The following RUNX1 variants were observed in gnomAD, a reference collection of about 807,000 sequenced individuals.
RUNX1 encodes the protein runt-related transcription factor 1.
A neutral mutation model predicts 42.8 loss-of-function variants in RUNX1; 19 were observed. The observed-to-expected ratio is 0.44, with a 90% CI of 0.31 to 0.65. The LOEUF (loss-of-function observed/expected upper bound fraction) is 0.65, where lower values mean the gene tolerates loss of function less well. Ranked by LOEUF, RUNX1 falls within the 30% of genes least tolerant of loss-of-function variation. The pLI, the probability that RUNX1 is intolerant of heterozygous loss-of-function variation, is 0.07. For missense variants in RUNX1, 528 were observed against 672.0 expected, an observed-to-expected ratio of 0.79 and a Z score of 2.37; for synonymous variants, 271 against 289.4, an observed-to-expected ratio of 0.94 and a Z score of 0.64.
chr21:34,998,023 CCCTTGCCTCTG>C (rs1569144190), intron 2 of RUNX1, among the ~76,000 whole-genome samples: 1 of 152,180 alleles, frequency 6.6e-6, no homozygotes, highest in Non-Finnish European at 1.5e-5. Context: ...TCCCCCATCT[CCCTTGCCTCTG>C]CCTTGCCCTG....
At chr21:34,853,597 G>C (rs76286727) in intron 6 of RUNX1, among the ~76,000 whole-genome samples, 1,691 of 152,220 alleles carry the variant, frequency 0.011, 25 homozygotes, top group African/African-American at 0.039. Context: ...CTGTTCTTTT[G>C]AAGATTATAT....
At chr21:35,026,724 T>C (rs1202785639) in intron 2 of RUNX1, among the ~76,000 whole-genome samples, 3 of 152,066 alleles carry the variant, frequency 2.0e-5, no homozygotes, top group African/African-American at 4.8e-5. Flanking sequence ...AGCAAGGGGA[T>C]CCTTTAGAAA....
At chr21:34,967,830 G>A (rs1420162632) in intron 2 of RUNX1, among the ~76,000 whole-genome samples, 3 of 152,180 alleles carry the variant, frequency 2.0e-5, no homozygotes, top group Admixed American at 6.5e-5. Flanking sequence ...AGCTTCCATC[G>A]AAGGGAGTGG....
rs2058710943 is a variant in RUNX1 at position 34,965,293 on chromosome 21, T to TC, written c.59-72331_59-72330insG. Among the ~76,000 whole-genome samples the TC allele has an allele frequency of 3.3e-5, 5 of 151,978 alleles. No individual in the cohort carries two copies. The South Asian group carries it at 1.0e-3, about 32-fold the overall frequency. On this transcript the variant is annotated intron_variant, in intron 2 of 8. Coordinates refer to ENST00000675419, the MANE Select transcript of RUNX1 (RefSeq NM_001754.5). Reference sequence around the variant, plus strand: ...ATCTGAGTGCCCTATAATCCACACTTTATTTCCAAATTTTCAGAAAGCAGT... The same window carrying TC: ...ATCTGAGTGCCCTATAATCCACACTTCTATTTCCAAATTTTCAGAAAGCAGT...
chr21:35,019,635 T>C, intron 2 of RUNX1, among the ~76,000 whole-genome samples: 1 of 152,168 alleles, frequency 6.6e-6, no homozygotes, highest in East Asian at 1.9e-4. Context: ...CTTGAGCCTC[T>C]GCACCTCACA....
At chr21:35,008,560 A>G (rs1912981331) in intron 2 of RUNX1, among the ~76,000 whole-genome samples, 1 of 152,252 alleles carries the variant, frequency 6.6e-6, no homozygotes, top group African/African-American at 2.4e-5. Flanking sequence ...TTAAAGAGAA[A>G]AAGGGAAAAG....
intron 2 of RUNX1, among the ~76,000 whole-genome samples, chr21:34,915,045 C>T (rs550075682): frequency 1.2e-4 from 19 of 152,244 alleles, no homozygotes; most frequent in East Asian, 3.9e-4. Context: ...ATGAGGATAA[C>T]GATTCCTCCT....
chr21:34,817,245 TGTCA>T (rs1177083228), intron 7 of RUNX1, among the ~76,000 whole-genome samples: 1 of 152,234 alleles, frequency 6.6e-6, no homozygotes, highest in African/African-American at 2.4e-5. Context: ...ATTCACCGTC[TGTCA>T]CTCTGCTGCC....
intron 2 of RUNX1, among the ~76,000 whole-genome samples, chr21:35,027,529 G>A (rs369321179): frequency 5.9e-5 from 9 of 152,152 alleles, no homozygotes; most frequent in Admixed American, 5.2e-4. Flanking sequence ...CTGAGGCCCT[G>A]GTTTAACTGG....
In RUNX1 at chr21:34,849,898, T is replaced by C. The variant is rs181674326; in HGVS notation, c.613+9576A>G. Among the ~76,000 whole-genome samples the C allele has an allele frequency of 6.6e-5, 10 of 151,486 alleles. No individual in the cohort carries two copies. In the East Asian group the frequency reaches 1.6e-3, roughly 24 times the overall value. On this transcript the variant is annotated intron_variant, in intron 6 of 8. Coordinates refer to ENST00000675419, the MANE Select transcript of RUNX1 (RefSeq NM_001754.5). ...GGTGTAAGGGGGTAGCTTTTACTTA[T>C]TTAAGCTAAACTGGAATTATTATTA...
chr21:35,009,628 C>A (rs963373221), intron 2 of RUNX1, among the ~76,000 whole-genome samples: 4 of 152,200 alleles, frequency 2.6e-5, no homozygotes, highest in African/African-American at 9.6e-5. Context: ...TGCTAGAGGA[C>A]AATGGGCACT....
intron 2 of RUNX1, among the ~76,000 whole-genome samples, chr21:35,025,780 T>C (rs2059231231): frequency 6.6e-6 from 1 of 152,010 alleles, no homozygotes; most frequent in Admixed American, 6.6e-5. Context: ...CTGTGAGGAA[T>C]TGCTCAATAG....
intron 2 of RUNX1, among the ~76,000 whole-genome samples, chr21:35,011,768 T>C (rs1025022995): frequency 6.6e-6 from 1 of 152,206 alleles, no homozygotes; most frequent in African/African-American, 2.4e-5. Flanking sequence ...TTTTAAAGTA[T>C]AGTAAGATTT....
chr21:35,010,346 T>TA (rs914095465), intron 2 of RUNX1, among the ~76,000 whole-genome samples: 15 of 151,650 alleles, frequency 9.9e-5, no homozygotes, highest in Non-Finnish European at 1.8e-4. Flanking sequence ...CTCCTTTTTT[T>TA]AAAAAAAAAT....
At chr21:35,038,059 G>A (rs1392066616) in intron 2 of RUNX1, among the ~76,000 whole-genome samples, 1 of 151,886 alleles carries the variant, frequency 6.6e-6, no homozygotes, top group Non-Finnish European at 1.5e-5. Context: ...TGTACTTATT[G>A]ACTTCCTCTG....
At chr21:34,887,663 T>G in intron 3 of RUNX1, 1 of 1,076,646 alleles carries the variant, frequency 9.3e-7, no homozygotes, top group Non-Finnish European at 1.1e-6. Context: ...AGCTGAGACT[T>G]CCAAAGGTAG....
intron 7 of RUNX1, among the ~76,000 whole-genome samples, chr21:34,808,559 T>C (rs1021311912): frequency 8.5e-5 from 13 of 152,172 alleles, no homozygotes; most frequent in African/African-American, 2.9e-4. Context: ...CCTTTTCTTT[T>C]CAAACCTCTG....
At chr21:34,852,045 G>A (rs969710861) in intron 6 of RUNX1, among the ~76,000 whole-genome samples, 3 of 152,190 alleles carry the variant, frequency 2.0e-5, no homozygotes, top group African/African-American at 4.8e-5. Context: ...GCACACACCT[G>A]TAGTCCCAGC....
chr21:34,985,129 T>A (rs2058875664), intron 2 of RUNX1, among the ~76,000 whole-genome samples: 1 of 152,234 alleles, frequency 6.6e-6, no homozygotes, highest in African/African-American at 2.4e-5. Flanking sequence ...TAAGTGGTCA[T>A]CCTGAGTTAA....
Sources: allele counts gnomAD v4.1 joint callset (sites outside exome capture counted in the v4.1 genomes callset), GRCh38; gene constraint gnomAD v4.1.1; transcripts MANE v1.5; gene names NCBI Gene and HGNC (gene_info 2026-07-23, HGNC 2026-07-21).